GAN: variants seen among roughly 807,000 people sequenced by gnomAD.
The protein encoded by GAN is epididymis secretory sperm binding protein.
In GAN, 48 loss-of-function variants were observed where a neutral mutation model predicts 71.3. The observed-to-expected ratio is 0.67, with a 90% CI of 0.53 to 0.86. The LOEUF is 0.86. Among genes scored for constraint, GAN ranks in the 40% least tolerant of loss-of-function variants. GAN has a pLI of 0.00. For missense variants in GAN, 928 were observed against 770.1 expected, an observed-to-expected ratio of 1.21 and a Z score of -2.43; for synonymous variants, 386 against 276.8, an observed-to-expected ratio of 1.39 and a Z score of -3.92.
rs1908971227 is a variant in GAN at position 81,314,971 on chromosome 16, A to G, written c.-143A>G. ...CGGCCCAGCGCGCCGCGGATAGCACAGGCACGTCCCGGGGGCTCCAGCTTC... is the reference window on the plus strand; with the variant it reads ...CGGCCCAGCGCGCCGCGGATAGCACGGGCACGTCCCGGGGGCTCCAGCTTC... On this transcript the variant is annotated 5_prime_UTR_variant, in exon 1 of 11. Transcript: ENST00000648994. 3 of 642,184 alleles carry G rather than the reference A, an allele frequency of 4.7e-6. No homozygotes were observed. Among genetic ancestry groups the G allele is most frequent in the Admixed American group, 4.4e-5 (1 of 22,844 alleles). 39.8% of individuals were successfully genotyped at this position (642,184 alleles called of 1,614,324 possible). A position where few individuals can be genotyped will look rare whatever the true frequency, so the allele number is the denominator to read the frequency against.
At chr16:81,366,893 C>T (rs919324793) in intron 9 of GAN, among the ~76,000 whole-genome samples, 1 of 152,048 alleles carries the variant, frequency 6.6e-6, no homozygotes, top group South Asian at 2.1e-4. Context: ...GGCGTGATCT[C>T]GGCTTACTGC....
At chr16:81,316,455 A>G (rs1433713590) in intron 1 of GAN, among the ~76,000 whole-genome samples, 2 of 118,406 alleles carry the variant, frequency 1.7e-5, no homozygotes, top group South Asian at 2.9e-4. Flanking sequence ...TTGTGAATCC[A>G]TTTGCGCTCT....
intron 9 of GAN, among the ~76,000 whole-genome samples, chr16:81,374,811 A>G (rs1904275941): frequency 6.6e-6 from 1 of 152,216 alleles, no homozygotes; most frequent in Non-Finnish European, 1.5e-5. Flanking sequence ...TAGAGCCTCA[A>G]ATCCTTTTAG....
Position 81,379,804 on chromosome 16 carries a change from G to A in GAN, c.*2208G>A, listed in dbSNP as rs920525672. On this transcript the variant is annotated 3_prime_UTR_variant, in exon 11 of 11. Transcript: ENST00000648994. Reference sequence around the variant, plus strand: ...TCTGATATTTAAAGTTTTTTTTCCAGTCTACACCAGGCCTCTCCAAGGAGA... The same window carrying A: ...TCTGATATTTAAAGTTTTTTTTCCAATCTACACCAGGCCTCTCCAAGGAGA... The A allele has an allele frequency of 2.0e-5, 3 of 151,910 alleles. No individual in the cohort carries two copies. Among genetic ancestry groups the A allele is most frequent in the African/African-American group, 7.3e-5 (3 of 41,332 alleles). 9.4% of individuals were successfully genotyped at this position (151,910 alleles called of 1,614,324 possible).
chr16:81,355,370 A>G (rs778593129), intron 3 of GAN, among the ~76,000 whole-genome samples: 3 of 152,128 alleles, frequency 2.0e-5, no homozygotes, highest in Admixed American at 6.5e-5. Flanking sequence ...GAGGGTTTTG[A>G]GGGGGCAGAG....
Position 81,315,082 on chromosome 16 carries a change from C to T in GAN, c.-32C>T. The T allele has an allele frequency of 2.7e-6, 4 of 1,458,882 alleles. No homozygotes were observed. The highest frequency in any genetic ancestry group is 2.7e-6 in the Non-Finnish European group (3 of 1,099,480). The allele number at this position is 1,458,882 out of a possible 1,614,324, so 90.4% of individuals were successfully genotyped here. A position where few individuals can be genotyped will look rare whatever the true frequency, so the allele number is the denominator to read the frequency against. ...GGGTCCGGCCGGACGGTGTCGGGAG[C>T]CGGACCCGTCGGCAGAGGAGCGGGC... On this transcript the variant is annotated 5_prime_UTR_variant, in exon 1 of 11. Transcript: ENST00000648994.
chr16:81,375,856 A>C (rs1011542084), intron 9 of GAN, among the ~76,000 whole-genome samples: 1 of 151,758 alleles, frequency 6.6e-6, no homozygotes, highest in Non-Finnish European at 1.5e-5. Context: ...TGTGGTCCCA[A>C]CTATTTGGGA....
chr16:81,340,620 C>T (rs940947367), intron 1 of GAN, among the ~76,000 whole-genome samples: 1 of 152,060 alleles, frequency 6.6e-6, no homozygotes, highest in Non-Finnish European at 1.5e-5. Context: ...CACACCAAAA[C>T]CCCACCCATA....
At chr16:81,325,696 A>C (rs1475240380) in intron 1 of GAN, among the ~76,000 whole-genome samples, 1 of 152,162 alleles carries the variant, frequency 6.6e-6, no homozygotes, top group Non-Finnish European at 1.5e-5. Flanking sequence ...TTAAGGAGGA[A>C]ATCAACTGGA....
intron 1 of GAN, among the ~76,000 whole-genome samples, chr16:81,315,627 T>G (rs1284305979): frequency 1.3e-5 from 2 of 152,102 alleles, no homozygotes; most frequent in Non-Finnish European, 2.9e-5. Flanking sequence ...GACGCCGTCC[T>G]GGGCCGGCCG....
At chr16:81,357,033 T>C in intron 4 of GAN, 31 bp downstream of exon 4, 2 of 1,275,038 alleles carry the variant, frequency 1.6e-6, no homozygotes. Context: ...GTTTGAAAAG[T>C]GGTGTATGGG....
chr16:81,361,389 G>A (rs1910668359), intron 5 of GAN, among the ~76,000 whole-genome samples: 1 of 109,052 alleles, frequency 9.2e-6, no homozygotes, highest in African/African-American at 3.9e-5. Flanking sequence ...TTAACTGTAA[G>A]TTAAGTTCAA....
At position 81,363,952 on chromosome 16, in the gene GAN, T is replaced by G; in HGVS notation, c.1236+9T>G. The G allele has an allele frequency of 6.2e-7, 1 of 1,607,330 alleles. No individual in the cohort carries two copies. ...TGACCATGGTCAGAAAGGTGAGGACTGCATTTTGTGATAACTAGTCTGTGT... is the reference window on the plus strand; with the variant it reads ...TGACCATGGTCAGAAAGGTGAGGACGGCATTTTGTGATAACTAGTCTGTGT... On this transcript the variant is annotated intron_variant, in intron 7 of 10. Coordinates refer to ENST00000648994, the MANE Select transcript of GAN (RefSeq NM_022041.4).
At chr16:81,352,132 TAG>T (rs1431915365) in intron 2 of GAN, among the ~76,000 whole-genome samples, 2 of 152,094 alleles carry the variant, frequency 1.3e-5, no homozygotes, top group East Asian at 1.9e-4. Flanking sequence ...TTGGTAGAAA[TAG>T]AGAGTTCCTT....
intron 5 of GAN, among the ~76,000 whole-genome samples, chr16:81,361,541 C>G (rs759157433): frequency 3.3e-5 from 5 of 152,082 alleles, no homozygotes; most frequent in Non-Finnish European, 5.9e-5. Context: ...AAACTTCTGT[C>G]TTTTTCATCC....
chr16:81,346,204 G>A (rs1910113250), intron 1 of GAN, among the ~76,000 whole-genome samples: 1 of 152,168 alleles, frequency 6.6e-6, no homozygotes, highest in Admixed American at 6.5e-5. Flanking sequence ...ATTAACTACA[G>A]CAGGAGATTG....
intron 1 of GAN, among the ~76,000 whole-genome samples, chr16:81,332,203 A>G (rs1248408549): frequency 2.0e-5 from 3 of 151,580 alleles, no homozygotes; most frequent in African/African-American, 7.3e-5. Context: ...AAGCTCATGG[A>G]TGCTAGAGAA....
At chr16:81,361,210 G>C (rs1397474429) in intron 5 of GAN, among the ~76,000 whole-genome samples, 1 of 152,070 alleles carries the variant, frequency 6.6e-6, no homozygotes, top group African/African-American at 2.4e-5. Flanking sequence ...GGGCGACAGA[G>C]CAAGACTGTC....
intron 1 of GAN, among the ~76,000 whole-genome samples, chr16:81,330,700 G>C (rs1240359434): frequency 2.0e-5 from 3 of 152,138 alleles, no homozygotes; most frequent in Non-Finnish European, 4.4e-5. Flanking sequence ...ATTTTGAGGA[G>C]AAAAAGGTAT....
Sources: gnomAD v4.1 joint callset for allele counts (sites outside exome capture counted in the v4.1 genomes callset) on GRCh38, gnomAD v4.1.1 for gene constraint, MANE v1.5 for transcripts, NCBI Gene and HGNC (gene_info 2026-07-23, HGNC 2026-07-21) for gene names.